MACROD2: variants seen among roughly 807,000 people sequenced by gnomAD.
MACROD2 encodes mono-ADP ribosylhydrolase 2.
A neutral mutation model predicts 70.4 loss-of-function variants in MACROD2; 36 were observed. The ratio of observed to expected loss-of-function variants is 0.51; its 90% confidence interval spans 0.39 to 0.68. The LOEUF (loss-of-function observed/expected upper bound fraction) is 0.68. Among genes scored for constraint, MACROD2 ranks in the 30% least tolerant of loss-of-function variants. The probability of loss-of-function intolerance (pLI) is 0.00; values close to 1 mark genes in which losing one functional copy is unlikely to be tolerated. For missense variants in MACROD2, 496 were observed against 538.4 expected (o/e 0.92, Z 0.78); for synonymous variants, 172 against 178.8 (o/e 0.96, Z 0.30).
Position 14,326,406 on chromosome 20 carries a change from G to A in MACROD2, c.272-167073G>A, listed in dbSNP as rs1279581102. 8.7e-6 allele frequency: 14 copies of A among 1,613,776 alleles called. No homozygotes were observed. The African/African-American group carries it at 1.9e-4, about 22-fold the overall frequency. ...GATACACTGTGTTGGGTATTGCAGT[G>A]GTTATCTGAATGGTGCTTACAATCC... is the stretch of plus-strand genomic sequence containing the variant. On this transcript the variant is annotated intron_variant, in intron 3 of 17. Transcript: ENST00000684519. The surrounding 1 kb of genome is among the most constrained non-coding windows in gnomAD (Gnocchi z 5.5).
intron 15 of MACROD2, among the ~76,000 whole-genome samples, chr20:16,009,796 G>A (rs916379783): frequency 6.6e-6 from 1 of 152,078 alleles, no homozygotes; most frequent in Non-Finnish European, 1.5e-5. Context: ...TGGAGCAGGA[G>A]ACAGAAACAC....
chr20:14,894,036 T>C (rs1418096196), intron 5 of MACROD2: 1 of 151,908 alleles, frequency 6.6e-6, no homozygotes, highest in Non-Finnish European at 1.5e-5. Context: ...TCCTCTTGCC[T>C]TGACTTCCTA....
chr20:14,203,251 T>A (rs1049007652), intron 3 of MACROD2, among the ~76,000 whole-genome samples: 3 of 148,086 alleles, frequency 2.0e-5, no homozygotes, highest in African/African-American at 7.4e-5. Context: ...CTTTTAAACA[T>A]CTATCTCTTT....
At chr20:14,938,009 T>G (rs202093094) in intron 5 of MACROD2, among the ~76,000 whole-genome samples, 35,659 of 149,586 alleles carry the variant, frequency 0.24, 4,510 homozygotes, top group East Asian at 0.37. Flanking sequence ...ACAAGTTTTT[T>G]TTTTTTTTTT....
In MACROD2 at chr20:14,913,649, T is replaced by C. The variant is rs1490224612; in HGVS notation, c.418+228690T>C. 2.0e-5 allele frequency among the ~76,000 whole-genome samples: 3 copies of C among 152,190 alleles called. No homozygotes were observed. The East Asian group carries it at 5.8e-4, about 29-fold the overall frequency. On this transcript the variant is annotated intron_variant, in intron 5 of 17. Coordinates refer to ENST00000684519, the MANE Select transcript of MACROD2 (RefSeq NM_001351661.2). Reference sequence around the variant, plus strand: ...CTGTAGTGTGCTATGATCACATCACTGCATTCTTGCCTGGATGACAGAGTG... The same window carrying C: ...CTGTAGTGTGCTATGATCACATCACCGCATTCTTGCCTGGATGACAGAGTG...
intron 7 of MACROD2, among the ~76,000 whole-genome samples, chr20:15,477,206 T>G (rs555432289): frequency 3.3e-5 from 5 of 149,836 alleles, no homozygotes; most frequent in African/African-American, 7.4e-5. Context: ...GCTCAAGTGA[T>G]CCTCCTGCCT....
At chr20:14,408,234 G>T (rs1273020126) in intron 3 of MACROD2, among the ~76,000 whole-genome samples, 1 of 152,062 alleles carries the variant, frequency 6.6e-6, no homozygotes, top group Non-Finnish European at 1.5e-5. Flanking sequence ...TTTTTTTGTA[G>T]TTGACAATGT....
At chr20:14,406,308 C>T (rs1190883993) in intron 3 of MACROD2, among the ~76,000 whole-genome samples, 1 of 152,036 alleles carries the variant, frequency 6.6e-6, no homozygotes, top group Non-Finnish European at 1.5e-5. Context: ...TTAAATATCA[C>T]CTTTTACCTA....
At chr20:15,644,114 T>A (rs1158740540) in intron 8 of MACROD2, among the ~76,000 whole-genome samples, 1 of 152,070 alleles carries the variant, frequency 6.6e-6, no homozygotes, top group Non-Finnish European at 1.5e-5. Context: ...AAAAACAAGA[T>A]CTTGTTCCTA....
At chr20:14,129,832 A>C (rs1419236867) in intron 3 of MACROD2, among the ~76,000 whole-genome samples, 2 of 152,236 alleles carry the variant, frequency 1.3e-5, no homozygotes, top group Admixed American at 1.3e-4. Context: ...TTGGCAATAA[A>C]GTATTTTTTA....
At chr20:15,258,942 AAGAGAGC>A (rs2077223723) in intron 6 of MACROD2, among the ~76,000 whole-genome samples, 1 of 152,090 alleles carries the variant, frequency 6.6e-6, no homozygotes, top group African/African-American at 2.4e-5. Flanking sequence ...CCTACAGGAC[AAGAGAGC>A]ATAACTTTTG....
At chr20:15,213,062 A>G (rs1376977782) in intron 5 of MACROD2, among the ~76,000 whole-genome samples, 1 of 152,190 alleles carries the variant, frequency 6.6e-6, no homozygotes, top group African/African-American at 2.4e-5. Flanking sequence ...AGAGTTTAGG[A>G]TTAAGTGAGA....
rs571796923 is a variant in MACROD2, at chr20:15,001,299, G to A, written c.419-228641G>A. ...GGCAGTCCACTCAACACTCAATTAC[G>A]CAGGGACTGAGTATACAGGACTTCA... On this transcript the variant is annotated intron_variant, in intron 5 of 17. Transcript: ENST00000684519. Among the ~76,000 whole-genome samples, 84 of 152,206 alleles carry A rather than the reference G, an allele frequency of 5.5e-4. 1 individual carries two copies. Among genetic ancestry groups the A allele is most frequent in the African/African-American group, 1.4e-3 (59 of 41,546 alleles).
intron 8 of MACROD2, among the ~76,000 whole-genome samples, chr20:15,590,937 AAGAG>A (rs1223394189): frequency 1.4e-5 from 2 of 138,428 alleles, no homozygotes; most frequent in African/African-American, 2.5e-5. Flanking sequence ...GAAGGAAGGA[AAGAG>A]AGAGAAAGAA....
At chr20:14,373,177 C>A (rs1030930203) in intron 3 of MACROD2, among the ~76,000 whole-genome samples, 1 of 152,062 alleles carries the variant, frequency 6.6e-6, no homozygotes. Flanking sequence ...AGCAGCCCTG[C>A]TTTCTCAGAC....
rs1437768917 is a variant in MACROD2, at chr20:15,327,743, C to A, written c.540+97682C>A. Among the ~76,000 whole-genome samples the A allele has an allele frequency of 3.3e-5, 5 of 152,164 alleles. No homozygotes were observed. The East Asian group carries it at 9.7e-4, about 30-fold the overall frequency. ...CCTACTTCTGCTGTTTTCTCATACA[C>A]CAGCATGCCATATTTTGGGGTAGTG... On this transcript the variant is annotated intron_variant, in intron 6 of 17. Coordinates refer to ENST00000684519, the MANE Select transcript of MACROD2 (RefSeq NM_001351661.2).
intron 5 of MACROD2, among the ~76,000 whole-genome samples, chr20:14,846,482 T>C: frequency 6.6e-6 from 1 of 151,414 alleles, no homozygotes; most frequent in South Asian, 2.1e-4. Context: ...TTATATAAGG[T>C]AGACTTTACA....
intron 3 of MACROD2, among the ~76,000 whole-genome samples, chr20:14,482,477 A>T (rs1046619103): frequency 2.0e-5 from 3 of 151,294 alleles, no homozygotes; most frequent in Middle Eastern, 6.9e-3. Flanking sequence ...TAAGCTGGCC[A>T]CGTCATGAGT....
intron 4 of MACROD2, among the ~76,000 whole-genome samples, chr20:14,605,498 G>T (rs531122325): frequency 6.6e-6 from 1 of 152,102 alleles, no homozygotes; most frequent in Non-Finnish European, 1.5e-5. Context: ...TCCGAATAAG[G>T]TCCCACTCGT....
Sources: allele counts gnomAD v4.1 joint callset (sites outside exome capture counted in the v4.1 genomes callset), GRCh38; gene constraint gnomAD v4.1.1; non-coding constraint Gnocchi (gnomAD v3.1); transcripts MANE v1.5; gene names NCBI Gene and HGNC (gene_info 2026-07-23, HGNC 2026-07-21).